Variants in ME3 observed in about 807,000 individuals in gnomAD.
ME3 encodes the protein malic enzyme 3, also known as NADP-dependent malic enzyme, mitochondrial.
In ME3, 48 loss-of-function variants were observed where a neutral mutation model predicts 68.9. The ratio of observed to expected loss-of-function variants is 0.70; its 90% confidence interval spans 0.55 to 0.89. The LOEUF (loss-of-function observed/expected upper bound fraction) is 0.89. Ranked by LOEUF, ME3 falls within the 40% of genes least tolerant of loss-of-function variation. The pLI is 0.00. For synonymous variants in ME3, 320 were observed against 318.8 expected (o/e 1.00, Z -0.04); for missense variants, 675 against 797.4 (o/e 0.85, Z 1.85).
chr11:86,470,702 G>C (rs1293175327), intron 7 of ME3, among the ~76,000 whole-genome samples: 1 of 152,184 alleles, frequency 6.6e-6, no homozygotes, highest in Non-Finnish European at 1.5e-5. Flanking sequence ...TGGCTCTGCA[G>C]GAAGAACTTT....
chr11:86,666,760 A>G (rs1946611466), intron 2 of ME3, among the ~76,000 whole-genome samples: 1 of 152,194 alleles, frequency 6.6e-6, no homozygotes, highest in Admixed American at 6.5e-5. Flanking sequence ...ATTTTACATC[A>G]TACCTGAAGC....
chr11:86,520,278 T>TGGGGCC (rs554915232), intron 4 of ME3, among the ~76,000 whole-genome samples: 176 of 152,272 alleles, frequency 1.2e-3, no homozygotes, highest in African/African-American at 4.1e-3. Flanking sequence ...CTGGAATGGA[T>TGGGGCC]GGGGGTTCCT....
At chr11:86,641,035 C>CTG (rs1944636154) in intron 2 of ME3, among the ~76,000 whole-genome samples, 2 of 66,722 alleles carry the variant, frequency 3.0e-5, no homozygotes, top group Admixed American at 2.4e-4. Context: ...CTCAATTTCA[C>CTG]TGGGGGGGGG....
intron 2 of ME3, among the ~76,000 whole-genome samples, chr11:86,649,178 A>G (rs1945235031): frequency 6.6e-6 from 1 of 152,180 alleles, no homozygotes; most frequent in African/African-American, 2.4e-5. Flanking sequence ...AATCAATAAA[A>G]GTTATTCATC....
chr11:86,645,149 C>T (rs539572210), intron 2 of ME3, among the ~76,000 whole-genome samples: 4 of 152,298 alleles, frequency 2.6e-5, no homozygotes, highest in Admixed American at 6.5e-5. Flanking sequence ...TGGGCAGACA[C>T]CAAACTAGCT....
At chr11:86,474,561 C>T (rs1282864929) in intron 7 of ME3, among the ~76,000 whole-genome samples, 1 of 152,226 alleles carries the variant, frequency 6.6e-6, no homozygotes, top group African/African-American at 2.4e-5. Flanking sequence ...TGGCCACCAA[C>T]CCACTGGCTG....
chr11:86,462,388 T>C (rs138255794), intron 8 of ME3, among the ~76,000 whole-genome samples: 1 of 152,338 alleles, frequency 6.6e-6, no homozygotes, highest in African/African-American at 2.4e-5. Flanking sequence ...AGGCTTCTGG[T>C]CAACAGTAGG....
chr11:86,515,891 G>A (rs944840699), intron 4 of ME3, among the ~76,000 whole-genome samples: 1 of 152,202 alleles, frequency 6.6e-6, no homozygotes, highest in Non-Finnish European at 1.5e-5. Flanking sequence ...GAAAACACAG[G>A]AAGCCGCAGG....
intron 7 of ME3, among the ~76,000 whole-genome samples, chr11:86,479,255 GC>G (rs1951256100): frequency 6.6e-6 from 1 of 152,118 alleles, no homozygotes; most frequent in South Asian, 2.1e-4. Flanking sequence ...TGCACCAGCG[GC>G]CCCACTTTGG....
At chr11:86,606,769 GGTAT>G (rs1326608762) in intron 2 of ME3, among the ~76,000 whole-genome samples, 1 of 152,140 alleles carries the variant, frequency 6.6e-6, no homozygotes, top group Non-Finnish European at 1.5e-5. Flanking sequence ...TTGGTTGATT[GGTAT>G]TGATTTAGAT....
intron 2 of ME3, among the ~76,000 whole-genome samples, chr11:86,584,105 T>G (rs1958595538): frequency 6.6e-6 from 1 of 152,108 alleles, no homozygotes; most frequent in Admixed American, 6.6e-5. Context: ...TAAGGAACTC[T>G]TACAACTCAA....
At chr11:86,435,632 C>G in the ME3 span, 15 of 152,186 alleles carry the variant, frequency 9.9e-5, no homozygotes, top group African/African-American at 3.1e-4. Context: ...TTGGGTTCCT[C>G]AGGAAATAGA....
At chr11:86,438,705 C>T (rs1288932991), downstream of ME3, among the ~76,000 whole-genome samples, 1 of 151,932 alleles carries the variant, frequency 6.6e-6, no homozygotes, top group Admixed American at 6.5e-5. Context: ...TTTGCTTTCC[C>T]CCACCCCCAT....
chr11:86,441,397 G>T, exon 15 of ME3: 4 of 1,609,452 alleles, frequency 2.5e-6, no homozygotes, highest in Non-Finnish European at 3.4e-6. Flanking sequence ...CTTAGGCTCT[G>T]GGTAGTAGGA....
intron 2 of ME3, among the ~76,000 whole-genome samples, chr11:86,600,083 A>C (rs1468634689): frequency 6.6e-6 from 1 of 152,238 alleles, no homozygotes; most frequent in Non-Finnish European, 1.5e-5. Flanking sequence ...TAATGACAGG[A>C]TCAAATTCAC....
At chr11:86,603,603 C>A (rs1961099709) in intron 2 of ME3, among the ~76,000 whole-genome samples, 1 of 151,924 alleles carries the variant, frequency 6.6e-6, no homozygotes, top group Non-Finnish European at 1.5e-5. Context: ...GGGTATATAC[C>A]CAAAGGACTA....
chr11:86,446,979 A>C, intron 12 of ME3, 86 bp downstream of exon 12: 1 of 1,490,328 alleles, frequency 6.7e-7, no homozygotes, highest in Non-Finnish European at 9.1e-7. Flanking sequence ...TCAGCGATGT[A>C]GGAGTATTTT....
chr11:86,560,750 A>ATATATATATATATATATATATG (rs1957186515), intron 2 of ME3, among the ~76,000 whole-genome samples: 1 of 21,126 alleles, frequency 4.7e-5, no homozygotes, highest in African/African-American at 1.5e-4. Context: ...GTGTGTGTGT[A>ATATATATATATATATATATATG]TATATATATA....
At chr11:86,670,921 A>G (rs1455750614) in intron 2 of ME3, among the ~76,000 whole-genome samples, 1 of 152,232 alleles carries the variant, frequency 6.6e-6, no homozygotes, top group African/African-American at 2.4e-5. Flanking sequence ...GTTGGGCCTC[A>G]GATAAGTTAA....
Sources: gnomAD v4.1 joint callset for allele counts (sites outside exome capture counted in the v4.1 genomes callset) on GRCh38, gnomAD v4.1.1 for gene constraint, MANE v1.5 for transcripts, NCBI Gene and HGNC (gene_info 2026-07-23, HGNC 2026-07-21) for gene names.